The following UBR3 variants were observed in gnomAD, a reference collection of about 807,000 sequenced individuals.
The protein encoded by UBR3 is ubiquitin protein ligase E3 component n-recognin 3.
Under a neutral mutation model 243.2 loss-of-function variants are expected in UBR3, and 85 were observed. The observed-to-expected ratio is 0.35, with a 90% CI of 0.29 to 0.42. UBR3 has a LOEUF of 0.42. UBR3 is among the 10% of genes least tolerant of loss of function. The pLI is 1.00. For synonymous variants in UBR3, 748 were observed against 799.8 expected, an observed-to-expected ratio of 0.94 and a Z score of 1.09; for missense variants, 1,686 against 2,300.8, an observed-to-expected ratio of 0.73 and a Z score of 5.47.
At chr2:170,065,382 G>A (rs1187719706) in intron 35 of UBR3, among the ~76,000 whole-genome samples, 2 of 152,006 alleles carry the variant, frequency 1.3e-5, no homozygotes, top group Admixed American at 1.3e-4. Context: ...CACCTCCTGG[G>A]TTCAAGCAAT....
At chr2:169,833,276 G>A (rs559051061) in intron 1 of UBR3, among the ~76,000 whole-genome samples, 1 of 152,320 alleles carries the variant, frequency 6.6e-6, no homozygotes, top group African/African-American at 2.4e-5. Flanking sequence ...ATACTAACTG[G>A]AAACTGGGAT....
chr2:169,904,919 T>C (rs894503088), intron 8 of UBR3, among the ~76,000 whole-genome samples, 195 bp from the exon 9 acceptor site: 1 of 152,216 alleles, frequency 6.6e-6, no homozygotes, highest in African/African-American at 2.4e-5. Flanking sequence ...TGGATGTTTT[T>C]ATTTTCTACT....
At chr2:170,074,176 C>T (rs2091758321) in intron 36 of UBR3, among the ~76,000 whole-genome samples, 1 of 151,886 alleles carries the variant, frequency 6.6e-6, no homozygotes, top group Non-Finnish European at 1.5e-5. Flanking sequence ...ATTCTGGTGT[C>T]TTTTTAGTGG....
intron 8 of UBR3, among the ~76,000 whole-genome samples, chr2:169,897,463 A>G (rs1198739643): frequency 1.3e-5 from 2 of 151,932 alleles, no homozygotes; most frequent in Admixed American, 6.6e-5. Context: ...ATATATGTAT[A>G]TATGTATATA....
rs142638812 is a variant in UBR3, at chr2:170,033,495, CTAAGTTT to C, written c.4556+4051_4556+4057del. On this transcript the variant is annotated intron_variant, in intron 31 of 38. Coordinates refer to ENST00000272793, the MANE Select transcript of UBR3 (RefSeq NM_172070.4). ...ATCCAAATCTCTCTGATTCCAGAGC[CTAAGTTT>C]TAACTATCATTGTATGCTTCTTTTC... 2.2e-3 allele frequency among the ~76,000 whole-genome samples: 339 copies of C among 150,854 alleles called. 2 individuals carry two copies. Among genetic ancestry groups the C allele is most frequent in the African/African-American group, 8.0e-3 (328 of 41,098 alleles).
chr2:169,870,684 CACTT>C (rs1559041368), intron 1 of UBR3, among the ~76,000 whole-genome samples: 1 of 151,478 alleles, frequency 6.6e-6, no homozygotes. Context: ...GACAGACTGT[CACTT>C]AGTCACCCAG....
chr2:169,855,159 C>G (rs551295843), intron 1 of UBR3, among the ~76,000 whole-genome samples: 1 of 151,996 alleles, frequency 6.6e-6, no homozygotes, highest in African/African-American at 2.4e-5. Context: ...AATGTCTTCA[C>G]GGGTATGGAG....
chr2:169,884,957 G>GTACT (rs2084034115), intron 5 of UBR3, among the ~76,000 whole-genome samples: 1 of 152,148 alleles, frequency 6.6e-6, no homozygotes, highest in African/African-American at 2.4e-5. Context: ...TAGAGGAAGA[G>GTACT]TACTTAAATA....
intron 1 of UBR3, among the ~76,000 whole-genome samples, chr2:169,870,259 G>A (rs1268390177): frequency 6.6e-6 from 1 of 152,040 alleles, no homozygotes; most frequent in Non-Finnish European, 1.5e-5. Context: ...TCACAAATTT[G>A]TATGTTCTTT....
chr2:169,944,355 G>A (rs2086707310), intron 20 of UBR3, among the ~76,000 whole-genome samples: 1 of 152,050 alleles, frequency 6.6e-6, no homozygotes, highest in Non-Finnish European at 1.5e-5. Context: ...TAAGTGACAA[G>A]TAATTCATGA....
intron 2 of UBR3, among the ~76,000 whole-genome samples, chr2:169,872,778 G>A (rs1224885730): frequency 6.6e-6 from 1 of 151,850 alleles, no homozygotes; most frequent in Non-Finnish European, 1.5e-5. Flanking sequence ...TTAGAAGTCT[G>A]TATATATTTT....
intron 29 of UBR3, chr2:170,014,440 G>A (rs1021940147): frequency 1.1e-4 from 17 of 151,144 alleles, no homozygotes; most frequent in African/African-American, 3.4e-4. Flanking sequence ...GAAAATAAAG[G>A]TATGTCTAAG....
intron 19 of UBR3, among the ~76,000 whole-genome samples, chr2:169,933,506 T>C (rs1225073602): frequency 6.6e-6 from 1 of 152,250 alleles, no homozygotes; most frequent in East Asian, 1.9e-4. Context: ...TTTTGAAAGA[T>C]ATCTTTTAAA....
intron 13 of UBR3, 142 bp downstream of exon 13, chr2:169,924,315 A>G: frequency 1.5e-6 from 1 of 657,044 alleles, no homozygotes; most frequent in Non-Finnish European, 2.5e-6. Context: ...TTTTTGCTAG[A>G]TTATGTTTAG....
At chr2:169,919,671 A>G (rs1234091092) in intron 11 of UBR3, among the ~76,000 whole-genome samples, 1 of 152,200 alleles carries the variant, frequency 6.6e-6, no homozygotes, top group Non-Finnish European at 1.5e-5. Context: ...ACACTTCTCA[A>G]AAGAAGACAT....
intron 2 of UBR3, among the ~76,000 whole-genome samples, chr2:169,873,950 A>C (rs1021391940): frequency 6.6e-6 from 1 of 152,178 alleles, no homozygotes; most frequent in African/African-American, 2.4e-5. Context: ...AGTACTTCAC[A>C]TGAAAGTGTC....
At chr2:169,855,117 T>C (rs2082792137) in intron 1 of UBR3, among the ~76,000 whole-genome samples, 1 of 152,162 alleles carries the variant, frequency 6.6e-6, no homozygotes. Flanking sequence ...GGGAATAATA[T>C]GCAGATTCTT....
intron 5 of UBR3, among the ~76,000 whole-genome samples, chr2:169,881,682 A>ATG (rs2083835634): frequency 7.4e-6 from 1 of 134,906 alleles, no homozygotes; most frequent in Non-Finnish European, 1.5e-5. Flanking sequence ...ATATATATAT[A>ATG]TACACATATA....
chr2:169,915,102 C>T lies in UBR3; in HGVS notation c.1866+956C>T, dbSNP rs1050433783. Among the ~76,000 whole-genome samples, 6 of 152,140 alleles carry T rather than the reference C, an allele frequency of 3.9e-5. No individual in the cohort carries two copies. The East Asian group carries it at 5.8e-4, about 15-fold the overall frequency. On this transcript the variant is annotated intron_variant, in intron 11 of 38. Transcript: ENST00000272793. ...TATTATTAACATTTAATTCTTATAA[C>T]TCATTCATGTTTTACCAGTTGTCCC...
Sources: gnomAD v4.1 joint callset for allele counts (sites outside exome capture counted in the v4.1 genomes callset) on GRCh38, gnomAD v4.1.1 for gene constraint, MANE v1.5 for transcripts, NCBI Gene and HGNC (gene_info 2026-07-23, HGNC 2026-07-21) for gene names.